Variants in TNKS observed in about 807,000 individuals in gnomAD.
The protein encoded by TNKS is poly [ADP-ribose] polymerase tankyrase-1.
A neutral mutation model predicts 135.8 loss-of-function variants in TNKS; 72 were observed. The ratio of observed to expected loss-of-function variants is 0.53; its 90% CI spans 0.44 to 0.64. The LOEUF is 0.64. Ranked by LOEUF, TNKS falls within the 30% of genes least tolerant of loss-of-function variation. TNKS has a pLI of 0.00. For synonymous variants in TNKS, 849 were observed against 649.3 expected (o/e 1.31, Z -4.68); for missense variants, 1,769 against 1,674.0 (o/e 1.06, Z -0.99).
chr8:9,646,557 A>C (rs753197189), intron 3 of TNKS, among the ~76,000 whole-genome samples: 39 of 152,260 alleles, frequency 2.6e-4, no homozygotes, highest in Non-Finnish European at 4.9e-4. Flanking sequence ...CCCTAATCTC[A>C]TAACATGTTC....
chr8:9,576,001 G>C (rs1346137250), intron 1 of TNKS, among the ~76,000 whole-genome samples: 1 of 152,066 alleles, frequency 6.6e-6, no homozygotes, highest in East Asian at 1.9e-4. Flanking sequence ...AGAGGAGAAA[G>C]GGCACTCTTC....
intron 5 of TNKS, among the ~76,000 whole-genome samples, chr8:9,703,467 A>G (rs991517291): frequency 6.6e-6 from 1 of 152,242 alleles, no homozygotes; most frequent in South Asian, 2.1e-4. Flanking sequence ...CACGAGTAGC[A>G]TGACTTCCAC....
At chr8:9,649,878 C>CTTTTTTTTTTTTTTTTTTTTTTTTTT (rs71201959) in intron 3 of TNKS, among the ~76,000 whole-genome samples, 3 of 83,364 alleles carry the variant, frequency 3.6e-5, no homozygotes, top group African/African-American at 1.6e-4. Context: ...CTTTTCTTTT[C>CTTTTTTTTTTTTTTTTTTTTTTTTTT]TTTTTTTTTT....
intron 2 of TNKS, among the ~76,000 whole-genome samples, chr8:9,607,911 C>T (rs1338260099): frequency 1.3e-5 from 2 of 152,054 alleles, no homozygotes; most frequent in Non-Finnish European, 2.9e-5. Context: ...GTAATAATCA[C>T]TAATAGATGT....
chr8:9,660,403 T>C (rs764372321), intron 3 of TNKS, among the ~76,000 whole-genome samples: 5 of 152,204 alleles, frequency 3.3e-5, no homozygotes, highest in Admixed American at 2.6e-4. Flanking sequence ...TCAAGTGGGC[T>C]TCATCCCTGG....
chr8:9,598,880 G>C (rs868087552), intron 2 of TNKS, among the ~76,000 whole-genome samples: 2 of 147,402 alleles, frequency 1.4e-5, no homozygotes, highest in Non-Finnish European at 3.0e-5. Flanking sequence ...TAGTAAGTCC[G>C]TGAGGCCTTG....
chr8:9,714,988 G>A (rs1804534267), intron 11 of TNKS, among the ~76,000 whole-genome samples: 1 of 152,178 alleles, frequency 6.6e-6, no homozygotes, highest in South Asian at 2.1e-4. Context: ...AGCATGGAAA[G>A]AAGGGAGTTA....
intron 6 of TNKS, among the ~76,000 whole-genome samples, chr8:9,705,103 G>T (rs1052303560): frequency 6.6e-6 from 1 of 152,128 alleles, no homozygotes; most frequent in African/African-American, 2.4e-5. Flanking sequence ...AGATTCAACA[G>T]ATAGTAAAGG....
intron 3 of TNKS, among the ~76,000 whole-genome samples, chr8:9,672,654 TAAAAAAAAAAA>T (rs746763150): frequency 4.2e-4 from 18 of 42,830 alleles, no homozygotes; most frequent in Non-Finnish European, 9.0e-5. Flanking sequence ...ACTGTGATGG[TAAAAAAAAAAA>T]AAAAAAAAAA....
chr8:9,651,283 A>G (rs886525556), intron 3 of TNKS, among the ~76,000 whole-genome samples: 2 of 152,192 alleles, frequency 1.3e-5, no homozygotes, highest in African/African-American at 4.8e-5. Context: ...AATAGCAGCT[A>G]AAGTTTATGT....
chr8:9,567,409 T>C (rs34095920), intron 1 of TNKS, among the ~76,000 whole-genome samples: 16,543 of 152,238 alleles, frequency 0.11, 1,214 homozygotes, highest in Admixed American at 0.22. Context: ...TAGCAACTGC[T>C]TTCTTATTTA....
At chr8:9,619,578 T>A (rs982445520) in intron 3 of TNKS, among the ~76,000 whole-genome samples, 1 of 152,144 alleles carries the variant, frequency 6.6e-6, no homozygotes, top group African/African-American at 2.4e-5. Flanking sequence ...AAGGAGGATA[T>A]GTTTGCATTC....
chr8:9,711,011 C>G (rs1176300274), intron 11 of TNKS, among the ~76,000 whole-genome samples: 1 of 151,986 alleles, frequency 6.6e-6, no homozygotes, highest in Non-Finnish European at 1.5e-5. Context: ...TAGTCTGAAA[C>G]TTTGTCAAGC....
At chr8:9,599,843 C>T (rs867701434) in intron 2 of TNKS, among the ~76,000 whole-genome samples, 13 of 151,758 alleles carry the variant, frequency 8.6e-5, no homozygotes, top group African/African-American at 1.5e-4. Flanking sequence ...TGACAACAGG[C>T]GCAAAATTGA....
chr8:9,755,801 T>C (rs1170884842), intron 20 of TNKS, among the ~76,000 whole-genome samples: 1 of 152,146 alleles, frequency 6.6e-6, no homozygotes, highest in Non-Finnish European at 1.5e-5. Context: ...GCCAGTGGGG[T>C]GTGGAATGTA....
chr8:9,657,771 G>A (rs1801475308), intron 3 of TNKS, among the ~76,000 whole-genome samples: 1 of 145,260 alleles, frequency 6.9e-6, no homozygotes, highest in Non-Finnish European at 1.5e-5. Context: ...GGCTGGCCGG[G>A]CAGGGGGCTG....
intron 5 of TNKS, among the ~76,000 whole-genome samples, chr8:9,684,308 T>C (rs1198151837): frequency 2.0e-5 from 3 of 152,078 alleles, no homozygotes; most frequent in Non-Finnish European, 4.4e-5. Context: ...GTTCTGGCCT[T>C]GTTTGATATC....
intron 11 of TNKS, among the ~76,000 whole-genome samples, chr8:9,714,320 G>A (rs990106118): frequency 6.7e-5 from 8 of 118,782 alleles, no homozygotes; most frequent in South Asian, 6.4e-4. Flanking sequence ...TGAAGCAACC[G>A]CCCTACAGGC....
chr8:9,635,856 G>A (rs965225306), intron 3 of TNKS, among the ~76,000 whole-genome samples: 2 of 152,030 alleles, frequency 1.3e-5, no homozygotes, highest in African/African-American at 4.8e-5. Context: ...CCAAATCAAA[G>A]GAAACTAAAG....
Sources: allele counts gnomAD v4.1 joint callset (sites outside exome capture counted in the v4.1 genomes callset), GRCh38; gene constraint gnomAD v4.1.1; transcripts MANE v1.5; gene names NCBI Gene and HGNC (gene_info 2026-07-23, HGNC 2026-07-21).